TTC28: variants seen among roughly 807,000 people sequenced by gnomAD.
TTC28 encodes the protein tetratricopeptide repeat protein 28.
Under a neutral mutation model 198.0 loss-of-function variants are expected in TTC28, and 61 were observed. The ratio of observed to expected loss-of-function variants is 0.31; its 90% confidence interval spans 0.25 to 0.38. TTC28 has a LOEUF of 0.38. Among genes scored for constraint, TTC28 ranks in the 10% least tolerant of loss-of-function variants. The probability of loss-of-function intolerance (pLI) is 1.00; values close to 1 mark genes in which losing one functional copy is unlikely to be tolerated. For synonymous variants in TTC28, 1,171 were observed against 1,297.8 expected (o/e 0.90, Z 2.10); for missense variants, 2,678 against 3,164.0 (o/e 0.85, Z 3.69).
At chr22:28,274,449 A>C (rs80213810) in intron 5 of TTC28, among the ~76,000 whole-genome samples, 1 of 152,224 alleles carries the variant, frequency 6.6e-6, no homozygotes, top group East Asian at 1.9e-4. Flanking sequence ...TTCAAAAGAC[A>C]CTAAGGGATG....
chr22:28,612,408 A>T (rs1312491534), intron 2 of TTC28, among the ~76,000 whole-genome samples: 1 of 152,192 alleles, frequency 6.6e-6, no homozygotes, highest in Non-Finnish European at 1.5e-5. Flanking sequence ...TCAATATTAG[A>T]CAGATCAATG....
intron 2 of TTC28, among the ~76,000 whole-genome samples, chr22:28,503,671 T>C (rs774351475): frequency 3.9e-5 from 6 of 152,216 alleles, no homozygotes; most frequent in Non-Finnish European, 5.9e-5. Flanking sequence ...ACATTTAATA[T>C]TGTCTTTAGC....
At chr22:28,335,273 G>T (rs911482990) in intron 2 of TTC28, among the ~76,000 whole-genome samples, 9 of 152,008 alleles carry the variant, frequency 5.9e-5, no homozygotes, top group South Asian at 4.2e-4. Flanking sequence ...TAGTATAGTT[G>T]GAAGTCAGGT....
intron 2 of TTC28, among the ~76,000 whole-genome samples, chr22:28,432,533 G>T (rs2047448889): frequency 6.6e-6 from 1 of 151,998 alleles, no homozygotes; most frequent in East Asian, 1.9e-4. Context: ...GGAAATATTG[G>T]TTCTATAATA....
rs551757385 is a variant in TTC28, at chr22:28,503,220, T to C, written c.381+126332A>G. Among the ~76,000 whole-genome samples the C allele has an allele frequency of 4.3e-4, 66 of 152,276 alleles. No individual in the cohort carries two copies. In the South Asian group the frequency reaches 0.013, roughly 31 times the overall value. On this transcript the variant is annotated intron_variant, in intron 2 of 22. Coordinates refer to ENST00000397906, the MANE Select transcript of TTC28 (RefSeq NM_001145418.2). The stretch of plus-strand genomic sequence containing the variant: ...CTACATCCTCTACTTTCTTCAGAAC[T>C]CAGATGAAATATTTCCTCAGAGAAC...
intron 2 of TTC28, among the ~76,000 whole-genome samples, chr22:28,545,615 G>A (rs2049524221): frequency 6.6e-6 from 1 of 151,648 alleles, no homozygotes; most frequent in South Asian, 2.1e-4. Flanking sequence ...ATAAATAACA[G>A]GTGAATTTAG....
chr22:28,167,424 A>T (rs1261616188), intron 5 of TTC28, among the ~76,000 whole-genome samples: 1 of 152,262 alleles, frequency 6.6e-6, no homozygotes, highest in Non-Finnish European at 1.5e-5. Flanking sequence ...AATCCTCAAT[A>T]AAATACTGGC....
chr22:28,525,345 G>T (rs969163919), intron 2 of TTC28, among the ~76,000 whole-genome samples: 1 of 152,036 alleles, frequency 6.6e-6, no homozygotes, highest in African/African-American at 2.4e-5. Context: ...ATGGAGACAG[G>T]TTTTCACCAT....
intron 12 of TTC28, 23 bp downstream of exon 12, chr22:28,094,057 C>A: frequency 6.6e-7 from 1 of 1,505,344 alleles, no homozygotes; most frequent in South Asian, 1.3e-5. Flanking sequence ...TGAAAATGGA[C>A]TTGGGGATGT....
rs1937099474 is a variant in TTC28, at chr22:27,983,622, T to G, written c.6045A>C (p.Gly2015=). 2 of 1,543,912 alleles carry G rather than the reference T, an allele frequency of 1.3e-6. No homozygotes were observed. Among genetic ancestry groups the G allele is most frequent in the African/African-American group, 2.7e-5 (2 of 72,730 alleles). The change falls in exon 23 of 23, where the codon GGA becomes GGC. Residue 2015 remains glycine (G), a synonymous_variant. Coordinates refer to ENST00000397906, the MANE Select transcript of TTC28 (RefSeq NM_001145418.2). The part of the protein sequence containing the change: ...VSKPEGGSEG[G]GPGGRQDHDR... ...CATGGTCCTGCCGTCCTCCGGGGCCTCCACCCTCTGATCCACCCTCGGGTT... is the reference window on the plus strand; with the variant it reads ...CATGGTCCTGCCGTCCTCCGGGGCCGCCACCCTCTGATCCACCCTCGGGTT...
At chr22:28,325,492 G>T (rs1017406479) in intron 2 of TTC28, among the ~76,000 whole-genome samples, 1 of 152,006 alleles carries the variant, frequency 6.6e-6, no homozygotes, top group East Asian at 1.9e-4. Flanking sequence ...TACAAGCAGG[G>T]CTTCCTCAAA....
chr22:28,146,195 A>T (rs1943465717), intron 6 of TTC28, among the ~76,000 whole-genome samples: 1 of 152,240 alleles, frequency 6.6e-6, no homozygotes. Context: ...CTTCTTGGTA[A>T]TCAAAATGGA....
intron 19 of TTC28, 64 bp downstream of exon 19, chr22:27,992,523 T>G (rs1182715335): frequency 2.0e-6 from 3 of 1,514,074 alleles, no homozygotes; most frequent in Admixed American, 2.1e-5. Flanking sequence ...AGGGCCAAGT[T>G]GCTCTGCCTT....
At chr22:28,061,393 T>A (rs1354160328) in intron 12 of TTC28, among the ~76,000 whole-genome samples, 1 of 152,242 alleles carries the variant, frequency 6.6e-6, no homozygotes, top group African/African-American at 2.4e-5. Context: ...TTAATTTTTG[T>A]ATAAGGTGTA....
chr22:28,115,783 C>T (rs978674472), intron 6 of TTC28, among the ~76,000 whole-genome samples: 1 of 152,318 alleles, frequency 6.6e-6, no homozygotes. Context: ...TTTGCTTCAA[C>T]AGCAGTTTAG....
At chr22:28,433,043 G>T (rs868730299) in intron 2 of TTC28, among the ~76,000 whole-genome samples, 1 of 152,160 alleles carries the variant, frequency 6.6e-6, no homozygotes, top group South Asian at 2.1e-4. Context: ...ACATCAAGTG[G>T]TTATATGGAT....
At chr22:28,153,605 T>C (rs1943667399) in intron 6 of TTC28, among the ~76,000 whole-genome samples, 1 of 151,984 alleles carries the variant, frequency 6.6e-6, no homozygotes, top group African/African-American at 2.4e-5. Context: ...ATAAGCTCTA[T>C]GGGGGTAGGA....
Position 28,449,221 on chromosome 22 carries a change from G to A in TTC28, c.382-142578C>T, listed in dbSNP as rs187348289. ...GTAGTAACTGAGAATGGTTTCACAG[G>A]AGAGGTGGCACAGCATTCTCTCAAC... On this transcript the variant is annotated intron_variant, in intron 2 of 22. Coordinates refer to ENST00000397906, the MANE Select transcript of TTC28 (RefSeq NM_001145418.2). Among the ~76,000 whole-genome samples the A allele has an allele frequency of 7.9e-5, 12 of 152,272 alleles. No individual in the cohort carries two copies. In the East Asian group the frequency reaches 2.3e-3, roughly 29 times the overall value.
intron 13 of TTC28, among the ~76,000 whole-genome samples, chr22:28,026,477 C>T (rs2146618674): frequency 6.6e-6 from 1 of 152,288 alleles, no homozygotes; most frequent in South Asian, 2.1e-4. Context: ...ACTTTCTTTT[C>T]TCCCTGTTCT....
Sources: allele counts gnomAD v4.1 joint callset (sites outside exome capture counted in the v4.1 genomes callset), GRCh38; gene constraint gnomAD v4.1.1; transcripts MANE v1.5; gene names NCBI Gene and HGNC (gene_info 2026-07-23, HGNC 2026-07-21).